Variants in PWWP2A observed in about 807,000 individuals in gnomAD.
The protein encoded by PWWP2A is PWWP domain containing 2A.
In PWWP2A, 18 loss-of-function variants were observed where a neutral mutation model predicts 48.5. That is an observed-to-expected ratio of 0.37 (90% CI 0.26 to 0.55). PWWP2A has a LOEUF of 0.55. Ranked by LOEUF, PWWP2A falls within the 20% of genes least tolerant of loss-of-function variation. The pLI, the probability that PWWP2A is intolerant of heterozygous loss-of-function variation, is 0.81. For missense variants in PWWP2A, 867 were observed against 976.4 expected (o/e 0.89, Z 1.49); for synonymous variants, 396 against 387.7 (o/e 1.02, Z -0.25).
At position 160,092,831 on chromosome 5, in the gene PWWP2A, G is replaced by A. The variant is rs267600522; in HGVS notation, c.1819C>T (p.Pro607Ser). 1 of 1,551,510 alleles carries A rather than the reference G, an allele frequency of 6.4e-7. No homozygotes were observed. The highest frequency in any genetic ancestry group is 1.4e-5 in the African/African-American group (1 of 73,012). Residue 607 changes from proline to serine, a missense_variant, in exon 2 of 2, where the codon CCT becomes TCT. This residue lies in a region of PWWP2A where 382 missense variants were observed against 407.2 expected (regional missense o/e 0.94). Transcript: ENST00000307063. The part of the protein sequence containing the change: ...ECSSSESFDF[P>S]PGSMHAPSTS... ...GAAGGTGCATGCATACTGCCTGGAGGAAAATCAAAGCTTTCAGAAGAACTA... is the reference window on the plus strand; with the variant it reads ...GAAGGTGCATGCATACTGCCTGGAGAAAAATCAAAGCTTTCAGAAGAACTA...
At chr5:160,096,177 A>G (rs1019709531) in intron 1 of PWWP2A, among the ~76,000 whole-genome samples, 1 of 152,198 alleles carries the variant, frequency 6.6e-6, no homozygotes, top group Non-Finnish European at 1.5e-5. Flanking sequence ...GCTACCACAA[A>G]CCAACAACTT....
chr5:160,114,744 C>T (rs1389373318), intron 1 of PWWP2A, among the ~76,000 whole-genome samples: 1 of 128,660 alleles, frequency 7.8e-6, no homozygotes, highest in Non-Finnish European at 1.6e-5. Context: ...GCCTAGGCAA[C>T]AGAGCGAGAC....
At chr5:160,052,056 G>GTC in the PWWP2A span, among the ~76,000 whole-genome samples, 1 of 152,222 alleles carries the variant, frequency 6.6e-6, no homozygotes, top group Admixed American at 6.5e-5. Context: ...TTGATTGAGA[G>GTC]GAGGCCATTA....
chr5:160,049,766 C>T, the PWWP2A span: 6 of 1,074,972 alleles, frequency 5.6e-6, no homozygotes, highest in Non-Finnish European at 6.3e-6. Context: ...CATTTCTGTG[C>T]TTTTGAGGAG....
Position 160,092,619 on chromosome 5 carries a change from AGTT to A in PWWP2A, c.2028_2030del (p.Thr677del). The A allele has an allele frequency of 6.4e-7, 1 of 1,551,716 alleles. No homozygotes were observed. Among genetic ancestry groups the A allele is most frequent in the Non-Finnish European group, 8.7e-7 (1 of 1,147,004 alleles). On this transcript the variant is annotated inframe_deletion, in exon 2 of 2. Transcript: ENST00000307063. ...AAAGGCCGTTATCTTTCCGGCTCACAGTTATAGTAAGAATACGGGCTGGCCACC... is the reference window on the plus strand; with the variant it reads ...AAAGGCCGTTATCTTTCCGGCTCACAATAGTAAGAATACGGGCTGGCCACC...
At chr5:160,079,206 T>C (rs990234371) in intron 3 of PWWP2A, among the ~76,000 whole-genome samples, 1 of 152,156 alleles carries the variant, frequency 6.6e-6, no homozygotes, top group Non-Finnish European at 1.5e-5. Context: ...CTTCCCATTA[T>C]TTAACTTCCA....
At chr5:160,053,549 G>GT in the PWWP2A span, among the ~76,000 whole-genome samples, 14 of 152,258 alleles carry the variant, frequency 9.2e-5, no homozygotes, top group Admixed American at 8.5e-4. Flanking sequence ...GGGTGACAGA[G>GT]TGAGACCTTG....
At chr5:160,094,322 G>T (rs1453562724) in intron 1 of PWWP2A, among the ~76,000 whole-genome samples, 1 of 152,172 alleles carries the variant, frequency 6.6e-6, no homozygotes, top group Non-Finnish European at 1.5e-5. Flanking sequence ...ACTTAAAGTA[G>T]ATATTTCCAG....
downstream of PWWP2A, among the ~76,000 whole-genome samples, chr5:160,058,484 C>T (rs1757606766): frequency 6.7e-6 from 1 of 149,192 alleles, no homozygotes; most frequent in Non-Finnish European, 1.5e-5. Context: ...GATCTCGGCT[C>T]AGTGCAAGCT....
chr5:160,092,435 C>A lies in PWWP2A; in HGVS notation c.2215G>T (p.Ala739Ser). The A allele has an allele frequency of 6.4e-7, 1 of 1,550,606 alleles. No homozygotes were observed. Among genetic ancestry groups the A allele is most frequent in the East Asian group, 2.4e-5 (1 of 40,914 alleles). ...RKAITEAAKA[A>S]KQLTPEVRAL... ...CGCACTTCGGGGGTCAGCTGCTTGG[C>A]AGCCTTAGCTGCCTCTGTGATAGCC... is the stretch of plus-strand genomic sequence containing the variant. The change falls in exon 2 of 2, where the codon GCC (alanine) becomes TCC (serine). Residue 739 changes from alanine to serine, a missense_variant. By Grantham distance (99) the Ala-to-Ser change is moderately conservative. This residue lies in a region of PWWP2A where 97 missense variants were observed against 151.7 expected (regional missense o/e 0.64). Transcript: ENST00000307063.
chr5:160,076,001 A>G (rs1753868345), exon 4 of PWWP2A: 1 of 152,124 alleles, frequency 6.6e-6, no homozygotes, highest in Admixed American at 6.5e-5. Flanking sequence ...AAAACAAAAT[A>G]GGCTTATGAA....
intron 4 of PWWP2A, among the ~76,000 whole-genome samples, chr5:160,064,162 T>G (rs532033229): frequency 5.3e-5 from 8 of 152,050 alleles, no homozygotes; most frequent in African/African-American, 1.9e-4. Context: ...AGAGATAGGG[T>G]TTCATCATGT....
intron 4 of PWWP2A, chr5:160,065,573 G>C (rs1045761278): frequency 2.9e-6 from 1 of 348,130 alleles, no homozygotes; most frequent in African/African-American, 2.2e-5. Context: ...ATTTTGTCAC[G>C]TAACGACAAC....
the PWWP2A span, among the ~76,000 whole-genome samples, chr5:160,052,665 A>G: frequency 6.6e-6 from 1 of 150,510 alleles, no homozygotes; most frequent in African/African-American, 2.4e-5. Flanking sequence ...CTCTTAGTCC[A>G]TTTTTTTAAA....
rs1755216171 is a variant in PWWP2A, at chr5:160,092,793, AGTGGAGGAG to A, written c.1848_1856del (p.Thr619_Ser621del). On this transcript the variant is annotated inframe_deletion, in exon 2 of 2. Transcript: ENST00000307063. Reference sequence around the variant, plus strand: ...TTTTCTCTTCCTTTGAAGAGGAGGAAGTGGAGGAGGTGGAAGGTGCATGCATACTGCCTG... The same window carrying A: ...TTTTCTCTTCCTTTGAAGAGGAGGAAGTGGAAGGTGCATGCATACTGCCTG... The A allele has an allele frequency of 7.7e-6, 12 of 1,551,654 alleles. No individual in the cohort carries two copies. Among genetic ancestry groups the A allele is most frequent in the Non-Finnish European group, 1.0e-5 (12 of 1,146,978 alleles).
chr5:160,082,457 A>C (rs10058746), intron 2 of PWWP2A, among the ~76,000 whole-genome samples: 3,977 of 152,096 alleles, frequency 0.026, 81 homozygotes, highest in Middle Eastern at 0.082. Flanking sequence ...AAAAAAAAAA[A>C]AGAAATTATC....
chr5:160,109,127 G>A (rs1343365885), intron 1 of PWWP2A, among the ~76,000 whole-genome samples: 2 of 152,086 alleles, frequency 1.3e-5, no homozygotes, highest in South Asian at 4.1e-4. Context: ...GGGATTACAG[G>A]TGCACACCAC....
At chr5:160,108,518 G>A (rs746777323) in intron 1 of PWWP2A, 1 of 1,180,330 alleles carries the variant, frequency 8.5e-7, no homozygotes, top group Non-Finnish European at 1.1e-6. Context: ...GGACACTGTA[G>A]TATAAGCTAC....
intron 1 of PWWP2A, among the ~76,000 whole-genome samples, chr5:160,096,636 A>C (rs1390761997): frequency 6.6e-6 from 1 of 152,098 alleles, no homozygotes; most frequent in African/African-American, 2.4e-5. Flanking sequence ...TGATTTATAA[A>C]ATTTTTTTAT....
Sources: gnomAD v4.1 joint callset for allele counts (sites outside exome capture counted in the v4.1 genomes callset) on GRCh38, gnomAD v4.1.1 for gene constraint, gnomAD v4.1.1 regional missense constraint, MANE v1.5 for transcripts, NCBI Gene and HGNC (gene_info 2026-07-23, HGNC 2026-07-21) for gene names.